BRINP3: variants seen among roughly 807,000 people sequenced by gnomAD.
The protein encoded by BRINP3 is BMP/retinoic acid inducible neural specific 3, also known as BMP/retinoic acid-inducible neural-specific protein 3.
Under a neutral mutation model 71.0 loss-of-function variants are expected in BRINP3, and 19 were observed. That is an observed-to-expected ratio of 0.27 (90% CI 0.19 to 0.39). The LOEUF (loss-of-function observed/expected upper bound fraction) is 0.39. Among genes scored for constraint, BRINP3 ranks in the 10% least tolerant of loss-of-function variants. The probability of loss-of-function intolerance (pLI) is 1.00; values close to 1 mark genes in which losing one functional copy is unlikely to be tolerated. For synonymous variants in BRINP3, 380 were observed against 337.7 expected (o/e 1.13, Z -1.37); for missense variants, 959 against 940.8 (o/e 1.02, Z -0.25).
intron 2 of BRINP3, among the ~76,000 whole-genome samples, chr1:190,450,830 C>T (rs1013782613): frequency 6.6e-6 from 1 of 151,772 alleles, no homozygotes; most frequent in Non-Finnish European, 1.5e-5. Context: ...TAAAGAAACA[C>T]TTATTCAAAA....
chr1:190,443,277 C>T (rs892322830), intron 2 of BRINP3, among the ~76,000 whole-genome samples: 3 of 150,884 alleles, frequency 2.0e-5, no homozygotes, highest in Non-Finnish European at 4.4e-5. Flanking sequence ...TTGTGGCGGG[C>T]GCCTGTAATC....
Position 190,420,309 on chromosome 1 carries a change from G to C in BRINP3, c.236+34346C>G, listed in dbSNP as rs563487470. Among the ~76,000 whole-genome samples the C allele has an allele frequency of 1.2e-4, 18 of 152,040 alleles. No individual in the cohort carries two copies. In the South Asian group the frequency reaches 3.7e-3, roughly 31 times the overall value. On this transcript the variant is annotated intron_variant, in intron 2 of 7. Coordinates refer to ENST00000367462, the MANE Select transcript of BRINP3 (RefSeq NM_199051.3). The stretch of plus-strand genomic sequence containing the variant: ...TGTACACCTTTAACAAGAATATATA[G>C]CATGTGTGCAAAAAGTTGTAGATTG...
chr1:190,266,366 T>C (rs1195692446), intron 3 of BRINP3, among the ~76,000 whole-genome samples: 1 of 152,206 alleles, frequency 6.6e-6, no homozygotes, highest in Non-Finnish European at 1.5e-5. Context: ...GTTCAGCTTC[T>C]CTCAGAAATA....
chr1:190,185,863 C>A (rs1653467185), intron 6 of BRINP3, among the ~76,000 whole-genome samples: 1 of 151,998 alleles, frequency 6.6e-6, no homozygotes, highest in Non-Finnish European at 1.5e-5. Context: ...ACAGTTATTT[C>A]TTTGTGTTGG....
chr1:190,295,468 C>T (rs947888550), intron 2 of BRINP3, among the ~76,000 whole-genome samples: 2 of 151,944 alleles, frequency 1.3e-5, no homozygotes, highest in African/African-American at 4.8e-5. Flanking sequence ...CTCCCCAAGC[C>T]ATCAGCCTCC....
At chr1:190,407,521 A>G (rs1672361848) in intron 2 of BRINP3, among the ~76,000 whole-genome samples, 1 of 152,200 alleles carries the variant, frequency 6.6e-6, no homozygotes, top group African/African-American at 2.4e-5. Flanking sequence ...GCTTTAAGGC[A>G]CTGTTGTTAT....
intron 2 of BRINP3, among the ~76,000 whole-genome samples, chr1:190,377,356 A>G (rs1670248230): frequency 6.6e-6 from 1 of 151,936 alleles, no homozygotes; most frequent in Non-Finnish European, 1.5e-5. Flanking sequence ...AATCAAATCA[A>G]CAAACACAAT....
At chr1:190,172,439 A>G (rs1652100778) in intron 6 of BRINP3, among the ~76,000 whole-genome samples, 1 of 152,046 alleles carries the variant, frequency 6.6e-6, no homozygotes, top group Admixed American at 6.6e-5. Flanking sequence ...CATTTTTCAT[A>G]ATGTTACTTA....
At chr1:190,403,255 CTATAA>C (rs1187448891) in intron 2 of BRINP3, among the ~76,000 whole-genome samples, 2 of 152,100 alleles carry the variant, frequency 1.3e-5, no homozygotes, top group East Asian at 1.9e-4. Flanking sequence ...AGTGAACAAC[CTATAA>C]TATAACTTGA....
At chr1:190,275,453 G>A (rs973050487) in intron 3 of BRINP3, among the ~76,000 whole-genome samples, 4 of 151,518 alleles carry the variant, frequency 2.6e-5, no homozygotes, top group African/African-American at 9.7e-5. Context: ...TTGAGATTCT[G>A]CATTTCTAAC....
chr1:190,116,167 G>A (rs1276057707), intron 7 of BRINP3, among the ~76,000 whole-genome samples: 1 of 151,984 alleles, frequency 6.6e-6, no homozygotes, highest in East Asian at 1.9e-4. Flanking sequence ...ATAGATTCTG[G>A]CAGCCTTAAA....
chr1:190,386,544 G>A (rs368190030), intron 2 of BRINP3, among the ~76,000 whole-genome samples: 10 of 151,768 alleles, frequency 6.6e-5, no homozygotes, highest in Non-Finnish European at 1.3e-4. Flanking sequence ...CTGTTAGTGA[G>A]ATTACTTATA....
chr1:190,285,401 G>T (rs898726030), intron 2 of BRINP3, among the ~76,000 whole-genome samples: 2 of 152,034 alleles, frequency 1.3e-5, no homozygotes, highest in Non-Finnish European at 2.9e-5. Context: ...AATCAGAATT[G>T]CTATGGTCCA....
At chr1:190,376,673 A>T (rs1259245794) in intron 2 of BRINP3, among the ~76,000 whole-genome samples, 1 of 152,034 alleles carries the variant, frequency 6.6e-6, no homozygotes, top group African/African-American at 2.4e-5. Flanking sequence ...TTAAACATCA[A>T]ACATTACTTT....
intron 2 of BRINP3, among the ~76,000 whole-genome samples, chr1:190,282,654 A>C (rs1663125983): frequency 6.6e-6 from 1 of 152,038 alleles, no homozygotes; most frequent in African/African-American, 2.4e-5. Flanking sequence ...TCTCCAAAAA[A>C]TGCTTGCTAT....
chr1:190,421,472 C>A (rs925330975), intron 2 of BRINP3, among the ~76,000 whole-genome samples: 2 of 151,222 alleles, frequency 1.3e-5, no homozygotes, highest in Non-Finnish European at 3.0e-5. Flanking sequence ...TTTATTTAAT[C>A]TCTATAGAAA....
chr1:190,467,710 C>T (rs548473849), intron 1 of BRINP3, among the ~76,000 whole-genome samples: 293 of 151,564 alleles, frequency 1.9e-3, no homozygotes, highest in Non-Finnish European at 3.6e-3. Context: ...TTTCCAAGGA[C>T]CACTTGTCAA....
At chr1:190,464,388 G>T (rs1286401330) in intron 1 of BRINP3, among the ~76,000 whole-genome samples, 1 of 151,880 alleles carries the variant, frequency 6.6e-6, no homozygotes, top group Non-Finnish European at 1.5e-5. Context: ...AGACTGGATA[G>T]ATTTTCATTC....
chr1:190,263,620 C>G (rs925542580), intron 4 of BRINP3, among the ~76,000 whole-genome samples: 46 of 139,520 alleles, frequency 3.3e-4, no homozygotes, highest in African/African-American at 1.1e-3. Flanking sequence ...AACAGAGTCT[C>G]GCTCTGTCGC....
Sources: gnomAD v4.1 joint callset for allele counts (sites outside exome capture counted in the v4.1 genomes callset) on GRCh38, gnomAD v4.1.1 for gene constraint, MANE v1.5 for transcripts, NCBI Gene and HGNC (gene_info 2026-07-23, HGNC 2026-07-21) for gene names.